MUC4: variants seen among roughly 807,000 people sequenced by gnomAD.
MUC4 encodes the protein mucin-4.
In MUC4, 202 loss-of-function variants were observed where a neutral mutation model predicts 257.9. That is an observed-to-expected ratio of 0.78 (90% CI 0.70 to 0.88). MUC4 has a LOEUF of 0.88. MUC4 is among the 40% of genes least tolerant of loss of function. The pLI is 0.00. For synonymous variants in MUC4, 2,351 were observed against 2,757.1 expected, an observed-to-expected ratio of 0.85 and a Z score of 4.62; for missense variants, 5,976 against 6,513.7, an observed-to-expected ratio of 0.92 and a Z score of 2.84.
At chr3:195,805,533 C>T (rs1212865796) in intron 1 of MUC4, among the ~76,000 whole-genome samples, 1 of 152,218 alleles carries the variant, frequency 6.6e-6, no homozygotes, top group Non-Finnish European at 1.5e-5. Context: ...GCTGCCTCTC[C>T]ACAGTGGTTA....
intron 1 of MUC4, among the ~76,000 whole-genome samples, chr3:195,806,211 C>T (rs140448142): frequency 0.012 from 1,762 of 152,322 alleles, 35 homozygotes; most frequent in African/African-American, 0.04. Flanking sequence ...CTTTCAAGTC[C>T]TCCAAGGGGC....
chr3:195,803,281 G>A (rs539917114), intron 1 of MUC4, among the ~76,000 whole-genome samples: 76 of 152,322 alleles, frequency 5.0e-4, no homozygotes, highest in African/African-American at 1.8e-3. Flanking sequence ...GACTCAGCCC[G>A]ATTCTTGCGT....
In MUC4 at chr3:195,754,332, T is replaced by C; in HGVS notation, c.15209A>G (p.Tyr5070Cys). The C allele has an allele frequency of 1.2e-6, 2 of 1,612,234 alleles. No homozygotes were observed. The highest frequency in any genetic ancestry group is 1.7e-6 in the Non-Finnish European group (2 of 1,179,686). ...CKCDGGTFGR[Y>C]CEGSEDACEE... ...ACAGGCATCCTCGGAGCCCTCGCAG[T>C]AGCGGCCGAAGGTGCCCCCGTCACA... The change falls in exon 19 of 25, where the codon TAC becomes TGC. Residue 5070 changes from tyrosine to cysteine, a missense_variant. Tyr to Cys is a radical substitution (Grantham distance 194, BLOSUM62 -2). This residue lies in a region of MUC4 where 996 missense variants were observed against 1,137.3 expected (regional missense o/e 0.88). Coordinates refer to ENST00000463781, the MANE Select transcript of MUC4 (RefSeq NM_018406.7).
At chr3:195,748,266 G>A (rs1375950183) in intron 24 of MUC4, among the ~76,000 whole-genome samples, 1 of 152,250 alleles carries the variant, frequency 6.6e-6, no homozygotes, top group Non-Finnish European at 1.5e-5. Flanking sequence ...GATCAGGTGG[G>A]AGGGTTTGAC....
chr3:195,787,734 A>C lies in MUC4; in HGVS notation c.3846T>G (p.Pro1282=). 1.7e-6 allele frequency: 1 copy of C among 573,514 alleles called. No homozygotes were observed. Among genetic ancestry groups the C allele is most frequent in the Non-Finnish European group, 2.7e-6 (1 of 375,126 alleles). The allele number at this position is 573,514 out of a possible 1,614,324, so 35.5% of individuals were successfully genotyped here. The change falls in exon 2 of 25, where the codon CCT becomes CCG. Residue 1282 remains proline (P), a synonymous_variant. Coordinates refer to ENST00000463781, the MANE Select transcript of MUC4 (RefSeq NM_018406.7). ...TGGATGCTGAGGAAGTGCTAGTGACAGGAAGAGGCGTGGTGTCACCTGTGG... is the reference window on the plus strand; with the variant it reads ...TGGATGCTGAGGAAGTGCTAGTGACCGGAAGAGGCGTGGTGTCACCTGTGG... ...SVSTGDTTPL[P]VTSTSSASTG...
In MUC4 at chr3:195,750,716, G is replaced by A. The variant is rs1716220127; in HGVS notation, c.15871+173C>T. 5 of 660,618 alleles carry A rather than the reference G, an allele frequency of 7.6e-6. No homozygotes were observed. In the South Asian group the frequency reaches 9.5e-5, roughly 13 times the overall value. The allele number at this position is 660,618 out of a possible 1,614,324, so 40.9% of individuals were successfully genotyped here. A position where few individuals can be genotyped will look rare whatever the true frequency, so the allele number is the denominator to read the frequency against. ...GTATACGTGTGACTGCCTCAGCAGT[G>A]CTGGCTGCTCCTGCTCTCGAATCTA... On this transcript the variant is annotated intron_variant, in intron 23 of 24. Transcript: ENST00000463781.
At chr3:195,767,083 G>C (rs544391084) in intron 7 of MUC4, among the ~76,000 whole-genome samples, 1 of 152,224 alleles carries the variant, frequency 6.6e-6, no homozygotes, top group Admixed American at 6.5e-5. Context: ...CAAGCAGAGG[G>C]TTTGGAGCGG....
At chr3:195,762,521 G>T (rs1316105140) in intron 13 of MUC4, among the ~76,000 whole-genome samples, 1 of 150,498 alleles carries the variant, frequency 6.6e-6, no homozygotes, top group African/African-American at 2.5e-5. Context: ...GCCCTGCACC[G>T]CCACGCACCG....
At chr3:195,808,764 C>G (rs752340393) in intron 1 of MUC4, among the ~76,000 whole-genome samples, 1 of 152,154 alleles carries the variant, frequency 6.6e-6, no homozygotes, top group African/African-American at 2.4e-5. Flanking sequence ...GACCTCTTGT[C>G]CAGGGATCCT....
intron 18 of MUC4, among the ~76,000 whole-genome samples, chr3:195,756,145 C>T (rs765071594): frequency 5.3e-5 from 8 of 152,162 alleles, no homozygotes; most frequent in Non-Finnish European, 1.0e-4. Context: ...CAGCTCTCTT[C>T]CCAGCACCGT....
rs750351964 is a variant in MUC4 at position 195,778,812 on chromosome 3, G to T, written c.12768C>A (p.Ser4256=). The change falls in exon 2 of 25, where the codon TCC becomes TCA. Residue 4256 remains serine (S), a synonymous_variant. Coordinates refer to ENST00000463781, the MANE Select transcript of MUC4 (RefSeq NM_018406.7). ...ATSASTVSSD[S]PLKMETPGMT... ...TACCTGGTGTTTCCATCTTCAGAGG[G>T]GAGTCCGAGGATACTGTGGAAGCTG... is the stretch of plus-strand genomic sequence containing the variant. 2 of 1,611,710 alleles carry T rather than the reference G, an allele frequency of 1.2e-6. No individual in the cohort carries two copies. The highest frequency in any genetic ancestry group is 1.7e-6 in the Non-Finnish European group (2 of 1,179,278).
At chr3:195,768,184 C>T (rs1722038039) in intron 7 of MUC4, among the ~76,000 whole-genome samples, 1 of 152,124 alleles carries the variant, frequency 6.6e-6, no homozygotes. Flanking sequence ...TGGGTAATTC[C>T]CCTCCTTTCT....
rs11929296 is a variant in MUC4 at position 195,801,817 on chromosome 3, C to G, written c.82+9919G>C. On this transcript the variant is annotated intron_variant, in intron 1 of 24. Transcript: ENST00000463781. ...CTGACAGATGTGTATTGCGCCCCCC[C>G]CTCCACGTGCTCTCCCTGGCCGGCG... 1.7e-3 allele frequency among the ~76,000 whole-genome samples: 265 copies of G among 152,252 alleles called. 1 individual carries two copies. Among genetic ancestry groups the G allele is most frequent in the African/African-American group, 5.5e-3 (229 of 41,550 alleles).
Position 195,789,525 on chromosome 3 carries a change from G to A in MUC4, c.2055C>T (p.Asp685=), listed in dbSNP as rs200175860. 1.1e-3 allele frequency: 1,825 copies of A among 1,613,928 alleles called. No individual in the cohort carries two copies. Among genetic ancestry groups the A allele is most frequent in the Non-Finnish European group, 1.5e-3 (1,741 of 1,179,866 alleles). Residue 685 remains aspartate (D), a synonymous_variant, in exon 2 of 25, where the codon GAC becomes GAT. Transcript: ENST00000463781. The stretch of plus-strand genomic sequence containing the variant: ...TTGTTGCTGCACTTATGGTGGGTGC[G>A]TCCTGAGGAACAATTTCTGAGGGCG... The part of the protein sequence containing the change: ...GHSPSEIVPQ[D]APTISAATTF...
intron 7 of MUC4, among the ~76,000 whole-genome samples, chr3:195,768,323 GC>G (rs1375750994): frequency 3.3e-5 from 5 of 152,162 alleles, no homozygotes; most frequent in Non-Finnish European, 7.3e-5. Context: ...CGTACTGATT[GC>G]CACACCCCAG....
rs756222085 is a variant in MUC4, at chr3:195,782,571, T to G, written c.9009A>C (p.Ile3003=). 7.6e-6 allele frequency: 7 copies of G among 915,474 alleles called. No individual in the cohort carries two copies. Among genetic ancestry groups the G allele is most frequent in the East Asian group, 4.5e-5 (1 of 22,372 alleles). The allele number at this position is 915,474 out of a possible 1,614,324, so 56.7% of individuals were successfully genotyped here. ...TGACAGGAAGAGAGGTGGCGTGACC[T>G]ATGGATGCTGAGGAAGTGTCGGTGA... ...LPVTDTSSAS[I]GHATSLPVTD... The change falls in exon 2 of 25, where the codon ATA becomes ATC. Residue 3003 remains isoleucine, a synonymous_variant. Transcript: ENST00000463781.
In MUC4 at chr3:195,782,550, A is replaced by G. The variant is rs561497053; in HGVS notation, c.9030T>C (p.Pro3010=). 1.1e-6 allele frequency: 1 copy of G among 920,702 alleles called. No individual in the cohort carries two copies. Among genetic ancestry groups the G allele is most frequent in the Admixed American group, 2.8e-5 (1 of 35,624 alleles). 57.0% of individuals were successfully genotyped at this position (920,702 alleles called of 1,614,324 possible). A position where few individuals can be genotyped will look rare whatever the true frequency, so the allele number is the denominator to read the frequency against. ...SASIGHATSL[P]VTDTSSISTG... ...TGGATATTGAGGAAGTGTCGGTGAC[A>G]GGAAGAGAGGTGGCGTGACCTATGG... Residue 3010 remains proline, a synonymous_variant, in exon 2 of 25, where the codon CCT becomes CCC. Transcript: ENST00000463781.
intron 11 of MUC4, 35 bp from the exon 12 acceptor site, chr3:195,763,676 C>T (rs1023028878): frequency 2.7e-6 from 4 of 1,461,204 alleles, no homozygotes; most frequent in Non-Finnish European, 3.7e-6. Flanking sequence ...CTCAGCATGA[C>T]AAATCATGTG....
Position 195,747,257 on chromosome 3 carries a change from C to T in MUC4, c.16158G>A (p.Gly5386=), listed in dbSNP as rs1715210951. 1 of 1,614,248 alleles carries T rather than the reference C, an allele frequency of 6.2e-7. No individual in the cohort carries two copies. The highest frequency in any genetic ancestry group is 8.5e-7 in the Non-Finnish European group (1 of 1,180,026). ...ALGGLLLLGV[G]TFVVLRFWGC... is the part of the protein sequence containing the mutation. ...CCCAGAAGCGCAGGACCACGAACGT[C>T]CCGACCCCCAGCAGCAAGAGGCCGC... Residue 5386 remains glycine, a synonymous_variant, in exon 25 of 25, where the codon GGG becomes GGA. Coordinates refer to ENST00000463781, the MANE Select transcript of MUC4 (RefSeq NM_018406.7).
Sources: allele counts gnomAD v4.1 joint callset (sites outside exome capture counted in the v4.1 genomes callset), GRCh38; gene constraint gnomAD v4.1.1; regional missense constraint gnomAD v4.1.1; transcripts MANE v1.5; gene names NCBI Gene and HGNC (gene_info 2026-07-23, HGNC 2026-07-21).